KCNAB2: variants seen among roughly 807,000 people sequenced by gnomAD.
KCNAB2 encodes the protein potassium voltage-gated channel subfamily A regulatory beta subunit 2.
A neutral mutation model predicts 63.6 loss-of-function variants in KCNAB2; 29 were observed. That is an observed-to-expected ratio of 0.46 (90% CI 0.34 to 0.62). The LOEUF (loss-of-function observed/expected upper bound fraction) is 0.62, where lower values mean the gene tolerates loss of function less well. KCNAB2 is among the 20% of genes least tolerant of loss of function. The pLI, the probability that KCNAB2 is intolerant of heterozygous loss-of-function variation, is 0.01. For missense variants in KCNAB2, 359 were observed against 563.9 expected, an observed-to-expected ratio of 0.64 and a Z score of 3.68; for synonymous variants, 222 against 224.2, an observed-to-expected ratio of 0.99 and a Z score of 0.09.
chr1:6,085,301 T>C, intron 6 of KCNAB2, 53 bp downstream of exon 6: 1 of 1,549,472 alleles, frequency 6.5e-7, no homozygotes, highest in Non-Finnish European at 8.9e-7. Context: ...GGGCGAACTA[T>C]CCCAGGGTCA....
In KCNAB2 at chr1:6,088,730, T is replaced by G. The variant is rs902445761; in HGVS notation, c.471-278T>G. Among the ~76,000 whole-genome samples, 25 of 135,866 alleles carry G rather than the reference T, an allele frequency of 1.8e-4. 1 individual carries two copies. The highest frequency in any genetic ancestry group is 1.5e-3 in the Admixed American group (20 of 13,406). 89.1% of individuals were successfully genotyped at this position (135,866 alleles called of 152,430 possible). On this transcript the variant is annotated intron_variant, in intron 7 of 15. Coordinates refer to ENST00000378083, the MANE Select transcript of KCNAB2 (RefSeq NM_001199862.2). Reference sequence around the variant, plus strand: ...ATAATAATAATAATAATAATAATAATAAGTCCAAATCAAACAGACGGGTTA... The same window carrying G: ...ATAATAATAATAATAATAATAATAAGAAGTCCAAATCAAACAGACGGGTTA...
At chr1:6,095,465 G>GCGCCCCCC in intron 12 of KCNAB2, 22 bp downstream of exon 12, 3 of 1,586,130 alleles carry the variant, frequency 1.9e-6, no homozygotes, top group Non-Finnish European at 1.7e-6. Flanking sequence ...CGGGCCCCTC[G>GCGCCCCCC]CCCCGCCCCA....
At chr1:6,025,809 G>T in intron 1 of KCNAB2, among the ~76,000 whole-genome samples, 1 of 152,174 alleles carries the variant, frequency 6.6e-6, no homozygotes, top group Admixed American at 6.5e-5. Context: ...TAAGATGAGG[G>T]AGCGCAGGTA....
chr1:6,043,919 G>A (rs951018692), upstream of KCNAB2, among the ~76,000 whole-genome samples: 3 of 152,200 alleles, frequency 2.0e-5, no homozygotes, highest in Admixed American at 6.5e-5. Context: ...CAGGCAGCTC[G>A]TCTAAGCTGG....
rs564058574 is a variant in KCNAB2, at chr1:6,047,265, C to A, written c.-27+1082C>A. Among the ~76,000 whole-genome samples, 3 of 152,280 alleles carry A rather than the reference C, an allele frequency of 2.0e-5. No homozygotes were observed. In the East Asian group the frequency reaches 5.8e-4, roughly 29 times the overall value. On this transcript the variant is annotated intron_variant, in intron 1 of 15. Coordinates refer to ENST00000378083, the MANE Select transcript of KCNAB2 (RefSeq NM_001199862.2). Reference sequence around the variant, plus strand: ...CCGGCAGTGGGGCCACTCTCTCCTCCCTGCAGTGTCTTACCGGGGGGCCCT... The same window carrying A: ...CCGGCAGTGGGGCCACTCTCTCCTCACTGCAGTGTCTTACCGGGGGGCCCT...
At chr1:6,042,838 TCCCCACCCCCCCC>T, upstream of KCNAB2, among the ~76,000 whole-genome samples, 1 of 12,300 alleles carries the variant, frequency 8.1e-5, no homozygotes, top group South Asian at 4.0e-3. Context: ...GCGCCCCCAC[TCCCCACCCCCCCC>T]CCCGTTTGCC....
In KCNAB2 at chr1:6,005,919, CATCCCCCCACTCCACCCTCACCCCTCA is replaced by C. The variant is rs1557923298; in HGVS notation, c.-53+13132_-53+13158del. Among the ~76,000 whole-genome samples, 354 of 133,196 alleles carry C rather than the reference CATCCCCCCACTCCACCCTCACCCCTCA, an allele frequency of 2.7e-3. 20 individuals carry two copies. In the East Asian group the frequency reaches 0.027, roughly 10 times the overall value. The allele number at this position is 133,196 out of a possible 152,430, so 87.4% of individuals were successfully genotyped here. On this transcript the variant is annotated intron_variant, in intron 1 of 16. Coordinates refer to the KCNAB2 transcript ENST00000341524. ...CCCTCACCCCTCAGCTCAGCTCCCA[CATCCCCCCACTCCACCCTCACCCCTCA>C]GCTCAGCTCCTACATTTCCCACTCC...
At chr1:6,044,431 G>A (rs548567314), upstream of KCNAB2, among the ~76,000 whole-genome samples, 1 of 152,320 alleles carries the variant, frequency 6.6e-6, no homozygotes, top group Admixed American at 6.5e-5. Flanking sequence ...GGCTGGGCAG[G>A]ATTCAACGCA....
At chr1:6,080,420 T>C (rs1410928395) in intron 4 of KCNAB2, among the ~76,000 whole-genome samples, 1 of 152,078 alleles carries the variant, frequency 6.6e-6, no homozygotes, top group Admixed American at 6.5e-5. Flanking sequence ...GGGCGGCGGA[T>C]GCATTTGATG....
chr1:6,089,623 G>A (rs1665012200), intron 8 of KCNAB2, among the ~76,000 whole-genome samples: 2 of 152,174 alleles, frequency 1.3e-5, no homozygotes, highest in Non-Finnish European at 2.9e-5. Context: ...CCAACCCAGC[G>A]TTTCACTCTG....
At chr1:6,034,730 T>G (rs1024365887) in exon 1 of KCNAB2, 1 of 152,514 alleles carries the variant, frequency 6.6e-6, no homozygotes, top group African/African-American at 2.4e-5. Context: ...TAACGCAGAC[T>G]GCGAGCCCCG....
intron 4 of KCNAB2, among the ~76,000 whole-genome samples, chr1:6,081,105 G>A (rs1410859396): frequency 6.6e-6 from 1 of 152,324 alleles, no homozygotes; most frequent in African/African-American, 2.4e-5. Context: ...CCCACCCCAC[G>A]ACCAGTTCTT....
chr1:6,046,435 C>T (rs1290665200), intron 1 of KCNAB2, among the ~76,000 whole-genome samples: 1 of 152,250 alleles, frequency 6.6e-6, no homozygotes, highest in Non-Finnish European at 1.5e-5. Flanking sequence ...CTTGAGTCTG[C>T]TCACAGCCCA....
chr1:6,018,295 G>T (rs1182651312), intron 1 of KCNAB2, among the ~76,000 whole-genome samples: 1 of 152,190 alleles, frequency 6.6e-6, no homozygotes, highest in Non-Finnish European at 1.5e-5. Context: ...AGGAAATTCA[G>T]TCTCTATTGC....
upstream of KCNAB2, among the ~76,000 whole-genome samples, chr1:6,043,126 C>A (rs896520947): frequency 6.6e-6 from 1 of 152,136 alleles, no homozygotes; most frequent in Admixed American, 6.5e-5. Flanking sequence ...AAACATATGC[C>A]GCTCATCCCA....
chr1:6,010,877 G>A (rs115709435), intron 1 of KCNAB2, among the ~76,000 whole-genome samples: 2 of 152,230 alleles, frequency 1.3e-5, no homozygotes, highest in African/African-American at 2.4e-5. Flanking sequence ...TGGAAGCGGC[G>A]AATGAGTGGC....
chr1:6,057,345 A>G (rs1661926076), intron 2 of KCNAB2, among the ~76,000 whole-genome samples: 1 of 151,988 alleles, frequency 6.6e-6, no homozygotes, highest in Non-Finnish European at 1.5e-5. Context: ...CATTGAGCAG[A>G]CTGTAGTTGC....
chr1:6,044,822 G>A (rs974641259), upstream of KCNAB2, among the ~76,000 whole-genome samples: 1 of 152,138 alleles, frequency 6.6e-6, no homozygotes, highest in African/African-American at 2.4e-5. Flanking sequence ...ATGAAGGGGT[G>A]CAGGGCCTGA....
intron 2 of KCNAB2, among the ~76,000 whole-genome samples, chr1:6,066,873 G>A (rs542341541): frequency 6.6e-5 from 10 of 152,368 alleles, no homozygotes; most frequent in African/African-American, 1.9e-4. Flanking sequence ...GGAGTTTCCC[G>A]ATGGTCAGCC....
Sources: allele counts gnomAD v4.1 joint callset (sites outside exome capture counted in the v4.1 genomes callset), GRCh38; gene constraint gnomAD v4.1.1; transcripts MANE v1.5; gene names NCBI Gene and HGNC (gene_info 2026-07-23, HGNC 2026-07-21).